The following ATP13A5 variants were observed in gnomAD, a reference collection of about 807,000 sequenced individuals.
The protein encoded by ATP13A5 is ATPase 13A5, also known as probable cation-transporting ATPase 13A5.
Under a neutral mutation model 150.2 loss-of-function variants are expected in ATP13A5, and 149 were observed. That is an observed-to-expected ratio of 0.99 (90% confidence interval 0.87 to 1.14). The LOEUF (loss-of-function observed/expected upper bound fraction) is 1.14, where lower values mean the gene tolerates loss of function less well. Among genes scored for constraint, ATP13A5 ranks in the 50% most tolerant of loss-of-function variants. ATP13A5 has a pLI of 0.00. For synonymous variants in ATP13A5, 497 were observed against 522.2 expected, an observed-to-expected ratio of 0.95 and a Z score of 0.66; for missense variants, 1,383 against 1,449.3, an observed-to-expected ratio of 0.95 and a Z score of 0.74.
At position 193,311,810 on chromosome 3, in the gene ATP13A5, A is replaced by G. The variant is rs920098377; in HGVS notation, c.2445+6T>C. 6.2e-7 allele frequency: 1 copy of G among 1,613,642 alleles called. No homozygotes were observed. The highest frequency in any genetic ancestry group is 1.1e-5 in the South Asian group (1 of 91,024). On this transcript the variant is annotated splice_donor_region_variant and intron_variant, in intron 20 of 29. Coordinates refer to ENST00000342358, the MANE Select transcript of ATP13A5 (RefSeq NM_198505.4). Reference sequence around the variant, plus strand: ...AAAACAAAACACTTCTTTCTTCAGTACTTACTTTTGGAAGCAAGCTGTTGA... The same window carrying G: ...AAAACAAAACACTTCTTTCTTCAGTGCTTACTTTTGGAAGCAAGCTGTTGA...
intron 27 of ATP13A5, among the ~76,000 whole-genome samples, chr3:193,283,482 G>A (rs975996981): frequency 2.6e-5 from 4 of 152,144 alleles, no homozygotes; most frequent in African/African-American, 9.7e-5. Context: ...CTAATGACAT[G>A]AAAATACGTT....
chr3:193,321,440 G>A (rs2108862587), intron 16 of ATP13A5, among the ~76,000 whole-genome samples: 1 of 152,224 alleles, frequency 6.6e-6, no homozygotes, highest in African/African-American at 2.4e-5. Context: ...AGACCAGCCT[G>A]GCCTACATGG....
At chr3:193,316,321 A>G (rs2108857159) in intron 17 of ATP13A5, among the ~76,000 whole-genome samples, 1 of 152,268 alleles carries the variant, frequency 6.6e-6, no homozygotes, top group Admixed American at 6.5e-5. Context: ...TTTTGGATAT[A>G]TACTCAGAAG....
At chr3:193,330,041 C>T (rs1711570747) in intron 12 of ATP13A5, among the ~76,000 whole-genome samples, 1 of 152,190 alleles carries the variant, frequency 6.6e-6, no homozygotes, top group South Asian at 2.1e-4. Flanking sequence ...TCATTCTCTA[C>T]CTACCAGCCC....
intron 21 of ATP13A5, among the ~76,000 whole-genome samples, chr3:193,308,144 C>A (rs1560125084): frequency 6.6e-6 from 1 of 152,098 alleles, no homozygotes; most frequent in Non-Finnish European, 1.5e-5. Flanking sequence ...AAGAAACAAC[C>A]ACTTTTATAG....
chr3:193,368,421 T>C (rs1713327124), intron 1 of ATP13A5, among the ~76,000 whole-genome samples: 1 of 151,186 alleles, frequency 6.6e-6, no homozygotes, highest in Admixed American at 6.6e-5. Flanking sequence ...TGTGTGTGTG[T>C]GGTAATTGAC....
rs565705412 is a variant in ATP13A5, at chr3:193,337,204, G to A, written c.944-2105C>T. On this transcript the variant is annotated intron_variant, in intron 9 of 29. Coordinates refer to ENST00000342358, the MANE Select transcript of ATP13A5 (RefSeq NM_198505.4). ...CTCTAGGTTGTCTGTTCACTCTGAC[G>A]GTAGTTTCTTTTGCTGTGCAGAAGC... Among the ~76,000 whole-genome samples the A allele has an allele frequency of 6.7e-3, 1,020 of 152,214 alleles. 7 individuals carry two copies. The highest frequency in any genetic ancestry group is 0.023 in the African/African-American group (955 of 41,494).
chr3:193,284,192 G>C (rs575019842), intron 27 of ATP13A5, among the ~76,000 whole-genome samples: 2 of 151,546 alleles, frequency 1.3e-5, no homozygotes, highest in Admixed American at 6.6e-5. Context: ...CAGCTAATTT[G>C]TAAAAGTGTT....
At chr3:193,292,023 G>C (rs1717973468) in intron 25 of ATP13A5, among the ~76,000 whole-genome samples, 1 of 152,074 alleles carries the variant, frequency 6.6e-6, no homozygotes, top group South Asian at 2.1e-4. Flanking sequence ...AGTTCAGGTG[G>C]TATCGAGAGC....
intron 12 of ATP13A5, among the ~76,000 whole-genome samples, chr3:193,329,541 C>T (rs569205849): frequency 1.2e-4 from 18 of 152,156 alleles, no homozygotes; most frequent in African/African-American, 4.3e-4. Context: ...TTCCAGACAC[C>T]AGTGAGGCTC....
intron 27 of ATP13A5, among the ~76,000 whole-genome samples, chr3:193,284,392 G>A (rs1717630746): frequency 6.6e-6 from 1 of 151,928 alleles, no homozygotes; most frequent in African/African-American, 2.4e-5. Flanking sequence ...TTAATACACA[G>A]GGAAAGTAAG....
At chr3:193,292,246 T>C (rs1446818119) in intron 25 of ATP13A5, among the ~76,000 whole-genome samples, 5 of 152,088 alleles carry the variant, frequency 3.3e-5, no homozygotes, top group Admixed American at 3.3e-4. Flanking sequence ...CTTTAGTGCT[T>C]GGAGTTCTCT....
At chr3:193,340,660 T>C (rs1446863575) in intron 9 of ATP13A5, among the ~76,000 whole-genome samples, 1 of 152,128 alleles carries the variant, frequency 6.6e-6, no homozygotes, top group African/African-American at 2.4e-5. Flanking sequence ...GCCATAATTA[T>C]CCCTAAGAGA....
intron 25 of ATP13A5, among the ~76,000 whole-genome samples, chr3:193,298,730 A>G (rs1718272299): frequency 2.0e-5 from 3 of 152,134 alleles, no homozygotes; most frequent in Admixed American, 6.6e-5. Context: ...CTAAAATAAA[A>G]TGTTAGCATT....
Position 193,311,837 on chromosome 3 carries a change from A to G in ATP13A5, c.2424T>C (p.His808=). The G allele has an allele frequency of 6.2e-7, 1 of 1,613,906 alleles. No individual in the cohort carries two copies. Among genetic ancestry groups the G allele is most frequent in the South Asian group, 1.1e-5 (1 of 91,062 alleles). Reference sequence around the variant, plus strand: ...TTACTTTTGGAAGCAAGCTGTTGAAATGCTGAAATATCACTTGGTATGATT... The same window carrying G: ...TTACTTTTGGAAGCAAGCTGTTGAAGTGCTGAAATATCACTTGGTATGATT... ...SGKSYQVIFQ[H]FNSLLPKILV... Residue 808 remains histidine (H), a synonymous_variant, in exon 20 of 30, where the codon CAT becomes CAC. Transcript: ENST00000342358.
Position 193,285,092 on chromosome 3 carries a change from AC to A in ATP13A5, c.3047del (p.Ser1016IlefsTer7), listed in dbSNP as rs761348495. On this transcript the variant is annotated frameshift_variant, in exon 27 of 30. Transcript: ENST00000342358. LOFTEE classifies it high-confidence loss of function. The part of the protein sequence containing the change: ...QYSECFLANQ[S>X]NFSTNVSLER... ...CCAAACTCACATTTGTTGAAAAATTACTTTGGTTGGCCAGAAAACACTCACT... is the reference window on the plus strand; with the variant it reads ...CCAAACTCACATTTGTTGAAAAATTATTTGGTTGGCCAGAAAACACTCACT... 2 of 1,613,908 alleles carry A rather than the reference AC, an allele frequency of 1.2e-6. No individual in the cohort carries two copies. Among genetic ancestry groups the A allele is most frequent in the Non-Finnish European group, 1.7e-6 (2 of 1,179,918 alleles).
chr3:193,326,212 A>C lies in ATP13A5; in HGVS notation c.1523+784T>G, dbSNP rs370786928. 4.6e-5 allele frequency among the ~76,000 whole-genome samples: 7 copies of C among 152,350 alleles called. No homozygotes were observed. In the East Asian group the frequency reaches 1.2e-3, roughly 25 times the overall value. The stretch of plus-strand genomic sequence containing the variant: ...TACTTAGAGCTTAAGAGCAGAGGCC[A>C]TCGCCGCTCAAATTGAGAAGGCAAG... On this transcript the variant is annotated intron_variant, in intron 13 of 29. Coordinates refer to ENST00000342358, the MANE Select transcript of ATP13A5 (RefSeq NM_198505.4).
At chr3:193,284,146 C>A (rs999748839) in intron 27 of ATP13A5, among the ~76,000 whole-genome samples, 1 of 151,638 alleles carries the variant, frequency 6.6e-6, no homozygotes, top group Non-Finnish European at 1.5e-5. Flanking sequence ...TCAGCCTCCC[C>A]AAGTAGCTGA....
Position 193,275,318 on chromosome 3 carries a change from G to A in ATP13A5, c.3397-16C>T, listed in dbSNP as rs545905011. The A allele has an allele frequency of 9.3e-6, 15 of 1,610,390 alleles. No individual in the cohort carries two copies. The highest frequency in any genetic ancestry group is 1.3e-5 in the Non-Finnish European group (15 of 1,179,358). On this transcript the variant is annotated splice_polypyrimidine_tract_variant and intron_variant, in intron 29 of 29. Coordinates refer to ENST00000342358, the MANE Select transcript of ATP13A5 (RefSeq NM_198505.4). ...GGATGGAATCCTGAAAAATCAGATG[G>A]GAAAACAATCAATTTATTGCGCAGG...
Sources: allele counts gnomAD v4.1 joint callset (sites outside exome capture counted in the v4.1 genomes callset), GRCh38; gene constraint gnomAD v4.1.1; transcripts MANE v1.5; gene names NCBI Gene and HGNC (gene_info 2026-07-23, HGNC 2026-07-21).